The following MFSD12 variants were observed in gnomAD, a reference collection of about 807,000 sequenced individuals.
MFSD12 encodes the protein major facilitator superfamily domain containing 12, also known as major facilitator superfamily domain-containing protein 12.
In MFSD12, 67 loss-of-function variants were observed where a neutral mutation model predicts 51.2. The ratio of observed to expected loss-of-function variants is 1.31; its 90% CI spans 1.08 to 1.60. The LOEUF is 1.60. Among genes scored for constraint, MFSD12 ranks in the 40% most tolerant of loss-of-function variants. MFSD12 has a pLI of 0.00. For missense variants in MFSD12, 921 were observed against 673.0 expected (o/e 1.37, Z -4.08); for synonymous variants, 441 against 316.7 (o/e 1.39, Z -4.17).
Position 3,548,175 on chromosome 19 carries a change from T to C in MFSD12, c.602A>G (p.Gln201Arg). The C allele has an allele frequency of 6.3e-7, 1 of 1,595,982 alleles. No homozygotes were observed. Among genetic ancestry groups the C allele is most frequent in the African/African-American group, 1.3e-5 (1 of 74,582 alleles). The change falls in exon 3 of 10, where the codon CAA becomes CGA. Residue 201 changes from glutamine to arginine, a missense_variant. Gln to Arg is a conservative substitution (Grantham distance 43). Coordinates refer to ENST00000355415, the MANE Select transcript of MFSD12 (RefSeq NM_174983.5). ...LQGSSRVEPT[Q>R]DISISDQLGG... ...CAGCTGGTCGCTGATGCTGATGTCT[T>C]GGGTGGGCTCCACCCGCGACGAGCC...
In MFSD12 at chr19:3,548,238, G is replaced by C. The variant is rs1393108046; in HGVS notation, c.539C>G (p.Thr180Ser). The change falls in exon 3 of 10, where the codon ACC (threonine) becomes AGC (serine). Residue 180 changes from threonine (T) to serine (S), a missense_variant. Coordinates refer to ENST00000355415, the MANE Select transcript of MFSD12 (RefSeq NM_174983.5). Reference sequence around the variant, plus strand: ...CAGGAGCCAGGCGGCGCCGTAGACGGTGATGTTGGCCACCACGGTGAACGC... The same window carrying C: ...CAGGAGCCAGGCGGCGCCGTAGACGCTGATGTTGGCCACCACGGTGAACGC... ...RYAFTVVANITVYGAAWLLLH... is the reference protein window; with the variant it reads ...RYAFTVVANISVYGAAWLLLH... 1 of 1,551,462 alleles carries C rather than the reference G, an allele frequency of 6.4e-7. No homozygotes were observed. The highest frequency in any genetic ancestry group is 1.2e-5 in the South Asian group (1 of 84,492).
downstream of MFSD12, chr19:3,541,696 G>T: frequency 1.0e-6 from 1 of 985,356 alleles, no homozygotes; most frequent in Non-Finnish European, 1.2e-6. Context: ...TAACGGGGGT[G>T]AGTGCATGTA....
chr19:3,544,952 G>A lies in MFSD12; in HGVS notation c.1290-13C>T, dbSNP rs998752763. ...GCAGAGCTCTGAGCTGTGGGAGGAGGCGGGGGATGAGTAGGCACCGCGGGT... is the reference window on the plus strand; with the variant it reads ...GCAGAGCTCTGAGCTGTGGGAGGAGACGGGGGATGAGTAGGCACCGCGGGT... On this transcript the variant is annotated splice_polypyrimidine_tract_variant and intron_variant, in intron 8 of 9. Coordinates refer to ENST00000355415, the MANE Select transcript of MFSD12 (RefSeq NM_174983.5). The A allele has an allele frequency of 6.3e-7, 1 of 1,599,772 alleles. No homozygotes were observed. The highest frequency in any genetic ancestry group is 8.5e-7 in the Non-Finnish European group (1 of 1,175,122).
intron 2 of MFSD12, among the ~76,000 whole-genome samples, chr19:3,549,040 G>A (rs1346690429): frequency 6.6e-6 from 1 of 152,190 alleles, no homozygotes; most frequent in African/African-American, 2.4e-5. Context: ...GTCCTCCTCT[G>A]AAATACGCGG....
At chr19:3,545,096 A>G (rs1477002903) in intron 8 of MFSD12, among the ~76,000 whole-genome samples, 157 bp from the exon 9 acceptor site, 3 of 151,934 alleles carry the variant, frequency 2.0e-5, no homozygotes, top group African/African-American at 7.3e-5. Flanking sequence ...CCCACACCCA[A>G]CAGCTCGGCC....
chr19:3,542,387 C>A, downstream of MFSD12: 6 of 985,414 alleles, frequency 6.1e-6, no homozygotes, highest in Non-Finnish European at 7.2e-6. Context: ...GCTAGACTGT[C>A]TTGGGGCCAG....
chr19:3,552,305 C>G (rs964582211), intron 1 of MFSD12, among the ~76,000 whole-genome samples: 3 of 146,716 alleles, frequency 2.0e-5, no homozygotes, highest in Admixed American at 6.9e-5. Flanking sequence ...GTAGCTGGGA[C>G]TACAGGCCCA....
At chr19:3,540,333 C>T (rs971893363), downstream of MFSD12, among the ~76,000 whole-genome samples, 3 of 151,742 alleles carry the variant, frequency 2.0e-5, no homozygotes, top group African/African-American at 7.3e-5. Flanking sequence ...TCTTGGCTCA[C>T]TGCAACCTCC....
At chr19:3,546,491 G>A (rs149119961) in intron 6 of MFSD12, 66 bp from the exon 7 acceptor site, 26 of 1,512,566 alleles carry the variant, frequency 1.7e-5, no homozygotes, top group African/African-American at 5.5e-5. Flanking sequence ...GCTTCAATCC[G>A]CCACCCCTAC....
In MFSD12 at chr19:3,551,451, G is replaced by A. The variant is rs566269483; in HGVS notation, c.299-257C>T. Among the ~76,000 whole-genome samples the A allele has an allele frequency of 1.3e-3, 197 of 152,228 alleles. No homozygotes were observed. The highest frequency in any genetic ancestry group is 4.6e-3 in the African/African-American group (192 of 41,550). On this transcript the variant is annotated intron_variant, in intron 1 of 9. Coordinates refer to ENST00000355415, the MANE Select transcript of MFSD12 (RefSeq NM_174983.5). This position sits in a 1 kb window ranked among gnomAD's most constrained non-coding sequence, Gnocchi z 4.6. ...AGAAGCCAGGCGCAGGGGGTCCCCC[G>A]GAAACCTGCCCCCCACAGGTGCCCC...
At position 3,544,824 on chromosome 19, in the gene MFSD12, TCGG is replaced by T; in HGVS notation, c.1402_1404del (p.Pro468del). 1.9e-6 allele frequency: 3 copies of T among 1,611,590 alleles called. No individual in the cohort carries two copies. Among genetic ancestry groups the T allele is most frequent in the Non-Finnish European group, 2.5e-6 (3 of 1,179,292 alleles). ...CAGGACTCACAGCGTCGCAGGCGGGTCGGCCACAGCAGGAGGCTACAGAGACAC... is the reference window on the plus strand; with the variant it reads ...CAGGACTCACAGCGTCGCAGGCGGGTCCACAGCAGGAGGCTACAGAGACAC... On this transcript the variant is annotated inframe_deletion, in exon 9 of 10. Transcript: ENST00000355415.
At chr19:3,543,484 C>CT (rs1475712201), downstream of MFSD12, 11 of 1,513,400 alleles carry the variant, frequency 7.3e-6, 2 homozygotes, top group Admixed American at 2.2e-4. Flanking sequence ...GTGAGTGCCC[C>CT]CCCCCCCGCC....
Position 3,544,392 on chromosome 19 carries a change from C to T in MFSD12, c.*318G>A, listed in dbSNP as rs891245341. On this transcript the variant is annotated 3_prime_UTR_variant, in exon 10 of 10. Coordinates refer to ENST00000355415, the MANE Select transcript of MFSD12 (RefSeq NM_174983.5). ...GGTGAGGGGTGAACTGGACTGAGCTCAGGGTTAGGGTTCCCCCAGACCCTT... is the reference window on the plus strand; with the variant it reads ...GGTGAGGGGTGAACTGGACTGAGCTTAGGGTTAGGGTTCCCCCAGACCCTT... The T allele has an allele frequency of 2.5e-5, 33 of 1,301,802 alleles. No individual in the cohort carries two copies. The East Asian group carries it at 8.8e-4, about 35-fold the overall frequency. 80.6% of individuals were successfully genotyped at this position (1,301,802 alleles called of 1,614,324 possible). A position where few individuals can be genotyped will look rare whatever the true frequency, so the allele number is the denominator to read the frequency against.
downstream of MFSD12, chr19:3,542,218 G>T (rs868363630): frequency 1.0e-6 from 1 of 985,262 alleles, no homozygotes; most frequent in African/African-American, 1.7e-5. Flanking sequence ...TGGAAAAGCC[G>T]AGTCTATGTG....
chr19:3,547,305 G>A lies in MFSD12; in HGVS notation c.990C>T (p.Leu330=), dbSNP rs1345842913. 1 of 1,613,248 alleles carries A rather than the reference G, an allele frequency of 6.2e-7. No homozygotes were observed. The highest frequency in any genetic ancestry group is 8.5e-7 in the Non-Finnish European group (1 of 1,179,986). Residue 330 remains leucine (L), a synonymous_variant, in exon 6 of 10, where the codon CTC becomes CTT. Coordinates refer to ENST00000355415, the MANE Select transcript of MFSD12 (RefSeq NM_174983.5). ...MYLSGFLSSF[L]MKPINKCIGR... ...CAATGCACTTGTTGATGGGCTTCAT[G>A]AGGAAGGAGGACAAGAAGCCGCTGA...
chr19:3,539,075 G>C (rs759486711), intron 4 of MFSD12: 1 of 714,650 alleles, frequency 1.4e-6, no homozygotes, highest in South Asian at 1.6e-5. Context: ...GCAGCTGGGA[G>C]GAGGGAGTGG....
chr19:3,557,138 C>T lies in MFSD12; in HGVS notation c.266G>A (p.Arg89His), dbSNP rs2145231167. Residue 89 changes from arginine to histidine, a missense_variant, in exon 1 of 10, where the codon CGC (arginine) becomes CAC (histidine). By Grantham distance (29) the Arg-to-His change is conservative. Transcript: ENST00000355415. ...GTGCCAGGCCTTGCGCGGGCCGTAG[C>T]GGGCGCAGCAGCTGGCGGCGCGGTC... is the stretch of plus-strand genomic sequence containing the variant. Reference protein sequence around the residue: ...EADRAASCCARYGPRKAWHLV... With the variant: ...EADRAASCCAHYGPRKAWHLV... The T allele has an allele frequency of 6.6e-7, 1 of 1,508,024 alleles. No homozygotes were observed. The highest frequency in any genetic ancestry group is 2.8e-5 in the East Asian group (1 of 36,304). The allele number at this position is 1,508,024 out of a possible 1,614,324, so 93.4% of individuals were successfully genotyped here.
At chr19:3,556,940 C>T (rs960929521) in intron 1 of MFSD12, among the ~76,000 whole-genome samples, 166 bp downstream of exon 1, 1 of 152,116 alleles carries the variant, frequency 6.6e-6, no homozygotes, top group African/African-American at 2.4e-5. Flanking sequence ...AGGTTAAGGC[C>T]GTGGACAGAC....
Position 3,557,476 on chromosome 19 carries a change from G to T in MFSD12, c.-73C>A. ...CCCTGGCCAGGCCTTCTTGGGTGCCGTGGGGGCAGGCGCCGGGGACCCCCA... is the reference window on the plus strand; with the variant it reads ...CCCTGGCCAGGCCTTCTTGGGTGCCTTGGGGGCAGGCGCCGGGGACCCCCA... On this transcript the variant is annotated 5_prime_UTR_variant, in exon 1 of 10. Coordinates refer to ENST00000355415, the MANE Select transcript of MFSD12 (RefSeq NM_174983.5). 1 of 981,934 alleles carries T rather than the reference G, an allele frequency of 1.0e-6. No homozygotes were observed. Among genetic ancestry groups the T allele is most frequent in the Non-Finnish European group, 1.3e-6 (1 of 781,086 alleles). 60.8% of individuals were successfully genotyped at this position (981,934 alleles called of 1,614,324 possible). A position where few individuals can be genotyped will look rare whatever the true frequency, so the allele number is the denominator to read the frequency against.
Sources: allele counts gnomAD v4.1 joint callset (sites outside exome capture counted in the v4.1 genomes callset), GRCh38; gene constraint gnomAD v4.1.1; non-coding constraint Gnocchi (gnomAD v3.1); transcripts MANE v1.5; gene names NCBI Gene and HGNC (gene_info 2026-07-23, HGNC 2026-07-21).